AKAP9: variants seen among roughly 807,000 people sequenced by gnomAD.
AKAP9 encodes A-kinase anchor protein 9.
Under a neutral mutation model 488.5 loss-of-function variants are expected in AKAP9, and 311 were observed. The observed-to-expected ratio is 0.64, with a 90% confidence interval of 0.58 to 0.70. The LOEUF (loss-of-function observed/expected upper bound fraction) is 0.70, where lower values mean the gene tolerates loss of function less well. AKAP9 is among the 30% of genes least tolerant of loss of function. The pLI, the probability that AKAP9 is intolerant of heterozygous loss-of-function variation, is 0.00. For missense variants in AKAP9, 4,215 were observed against 4,374.5 expected (o/e 0.96, Z 1.03); for synonymous variants, 1,462 against 1,483.5 (o/e 0.99, Z 0.33).
At chr7:91,983,372 G>A (rs560971600) in intron 3 of AKAP9, among the ~76,000 whole-genome samples, 10 of 152,286 alleles carry the variant, frequency 6.6e-5, no homozygotes, top group African/African-American at 2.4e-4. Flanking sequence ...CCCTGCAAAG[G>A]ACATGAACTC....
intron 28 of AKAP9, 55 bp from the exon 29 acceptor site, chr7:92,076,800 C>T: frequency 9.1e-7 from 1 of 1,094,314 alleles, no homozygotes; most frequent in Non-Finnish European, 1.3e-6. Context: ...TTCATTTTAT[C>T]TTGATAAACG....
chr7:92,001,993 G>A lies in AKAP9; in HGVS notation c.2076G>A (p.Gln692=). Residue 692 remains glutamine, a synonymous_variant, in exon 8 of 50, where the codon CAG becomes CAA. Transcript: ENST00000356239. ...AAAAGGACAATTTGATAACTAAGCA[G>A]AATCAATTAATTTTGGAAATTTCAA... ...QFEKDNLITK[Q]NQLILEISKL... is the part of the protein sequence containing the mutation. 6.2e-7 allele frequency: 1 copy of A among 1,612,002 alleles called. No homozygotes were observed. Among genetic ancestry groups the A allele is most frequent in the South Asian group, 1.1e-5 (1 of 90,416 alleles).
chr7:92,047,713 C>G (rs940948031), intron 21 of AKAP9, among the ~76,000 whole-genome samples: 1 of 152,052 alleles, frequency 6.6e-6, no homozygotes, highest in Non-Finnish European at 1.5e-5. Context: ...CAACTAAAAC[C>G]TTTAAAATTT....
chr7:92,109,812 A>G (rs1012061988), intron 49 of AKAP9, among the ~76,000 whole-genome samples: 5 of 152,078 alleles, frequency 3.3e-5, no homozygotes, highest in Non-Finnish European at 5.9e-5. Flanking sequence ...TTTGCTGGAC[A>G]TGGTGGCATG....
chr7:92,066,992 C>T (rs1443250787), intron 26 of AKAP9, among the ~76,000 whole-genome samples: 2 of 152,188 alleles, frequency 1.3e-5, no homozygotes, highest in Non-Finnish European at 2.9e-5. Flanking sequence ...ATATCCAACT[C>T]TGTCTCCATC....
intron 8 of AKAP9, among the ~76,000 whole-genome samples, chr7:92,004,285 G>C (rs1366399168): frequency 6.6e-6 from 1 of 152,098 alleles, no homozygotes; most frequent in Non-Finnish European, 1.5e-5. Context: ...TTGGCAATGT[G>C]GGCTCTTTTT....
At chr7:92,070,302 A>G (rs1584416637) in intron 27 of AKAP9, 96 bp downstream of exon 27, 7 of 1,304,928 alleles carry the variant, frequency 5.4e-6, no homozygotes, top group African/African-American at 4.4e-5. Context: ...TATTATGTTT[A>G]TATCTCTGTT....
In AKAP9 at chr7:91,973,971, A is replaced by C; in HGVS notation, c.306+3A>C. ...ATGAGCAGGGCTTCTCTGTGGAAGT[A>C]AGTATTCTCCCAGATTTTTAATCAT... On this transcript the variant is annotated splice_donor_region_variant and intron_variant, in intron 2 of 49. Coordinates refer to ENST00000356239, the MANE Select transcript of AKAP9 (RefSeq NM_005751.5). 6.2e-7 allele frequency: 1 copy of C among 1,613,920 alleles called. No homozygotes were observed. The highest frequency in any genetic ancestry group is 2.2e-5 in the East Asian group (1 of 44,856).
intron 22 of AKAP9, among the ~76,000 whole-genome samples, chr7:92,058,577 A>G (rs1809219390): frequency 1.3e-5 from 2 of 152,054 alleles, no homozygotes; most frequent in South Asian, 4.1e-4. Context: ...CAACTTGGCT[A>G]TGTTTACAAT....
At chr7:92,032,312 C>T (rs958907063) in intron 16 of AKAP9, among the ~76,000 whole-genome samples, 3 of 152,044 alleles carry the variant, frequency 2.0e-5, no homozygotes, top group African/African-American at 4.8e-5. Flanking sequence ...GCTTGACCAA[C>T]GTGGAGAAAC....
In AKAP9 at chr7:92,105,731, A is replaced by T. The variant is rs759183266; in HGVS notation, c.11384A>T (p.Asn3795Ile). 1 of 1,614,032 alleles carries T rather than the reference A, an allele frequency of 6.2e-7. No homozygotes were observed. The highest frequency in any genetic ancestry group is 8.5e-7 in the Non-Finnish European group (1 of 1,180,006). ...CGAGTCACAGGTTCTGTTTCCATCA[A>T]TATTAACAGAGATGGCTTTGGACTG... ...WHRVTGSVSININRDGFGLNQ... is the reference protein window; with the variant it reads ...WHRVTGSVSIIINRDGFGLNQ... The change falls in exon 47 of 50, where the codon AAT (asparagine) becomes ATT (isoleucine). Residue 3795 changes from asparagine to isoleucine, a missense_variant. Physicochemically the swap from Asn to Ile is moderately radical, Grantham distance 149 (BLOSUM62 -3). Around this residue, in one of 5 missense-constraint regions of AKAP9, gnomAD observed 253 missense variants for 266.8 expected, o/e 0.95. Transcript: ENST00000356239.
chr7:92,095,575 G>C (rs1563136261), intron 40 of AKAP9, among the ~76,000 whole-genome samples: 1 of 152,116 alleles, frequency 6.6e-6, no homozygotes, highest in East Asian at 1.9e-4. Flanking sequence ...GTGAACATTG[G>C]CCCCTTTCAG....
At chr7:91,945,291 G>C (rs1791326425) in intron 1 of AKAP9, among the ~76,000 whole-genome samples, 1 of 152,198 alleles carries the variant, frequency 6.6e-6, no homozygotes, top group Non-Finnish European at 1.5e-5. Flanking sequence ...TGGATCATCT[G>C]AGGTCAGGAG....
rs1458728118 is a variant in AKAP9, at chr7:92,022,917, A to G, written c.4056A>G (p.Gln1352=). 1.9e-6 allele frequency: 3 copies of G among 1,613,816 alleles called. No homozygotes were observed. The highest frequency in any genetic ancestry group is 2.5e-6 in the Non-Finnish European group (3 of 1,179,832). The change falls in exon 14 of 50, where the codon CAA becomes CAG. Residue 1352 remains glutamine, a synonymous_variant. Transcript: ENST00000356239. The part of the protein sequence containing the change: ...ELESLISSLQ[Q]QLKETEQNYE... ...AAAGCCTCATATCCTCTTTGCAGCAACAGTTGAAAGAAACTGAACAAAACT... is the reference window on the plus strand; with the variant it reads ...AAAGCCTCATATCCTCTTTGCAGCAGCAGTTGAAAGAAACTGAACAAAACT...
chr7:92,038,511 A>C lies in AKAP9; in HGVS notation c.4431A>C (p.Ala1477=). ...GKENTASSKQ[A]HAVCQQEQHY... ...AAAATACTGCATCATCAAAGCAAGC[A>C]CATGCTGTGTGTCAGCAAGAACAAC... is the stretch of plus-strand genomic sequence containing the variant. Residue 1477 remains alanine, a synonymous_variant, in exon 17 of 50, where the codon GCA becomes GCC. Coordinates refer to ENST00000356239, the MANE Select transcript of AKAP9 (RefSeq NM_005751.5). 1 of 1,613,934 alleles carries C rather than the reference A, an allele frequency of 6.2e-7. No individual in the cohort carries two copies. Among genetic ancestry groups the C allele is most frequent in the Non-Finnish European group, 8.5e-7 (1 of 1,179,866 alleles).
In AKAP9 at chr7:92,083,434, C is replaced by T. The variant is rs1439277472; in HGVS notation, c.8425C>T (p.Gln2809Ter). Residue 2809 changes from glutamine (Q) to a stop codon, truncating the protein, a stop_gained, in exon 33 of 50, where the codon CAG (glutamine) becomes TAG (stop). Coordinates refer to ENST00000356239, the MANE Select transcript of AKAP9 (RefSeq NM_005751.5). LOFTEE classifies it high-confidence loss of function. Reference protein sequence around the residue: ...VKNAGIQINLQSECSSEEVTE... With the variant: ...VKNAGIQINL ...AAATGCAGGAATACAAATTAATTTA[C>T]AGAGTGAATGTTCCTCAGAAGAAGT... is the stretch of plus-strand genomic sequence containing the variant. The T allele has an allele frequency of 1.2e-6, 2 of 1,613,884 alleles. No homozygotes were observed. The highest frequency in any genetic ancestry group is 1.7e-5 in the Admixed American group (1 of 59,998).
In AKAP9 at chr7:92,012,489, C is replaced by G. The variant is rs1562978382; in HGVS notation, c.3379C>G (p.His1127Asp). 1.9e-6 allele frequency: 3 copies of G among 1,614,008 alleles called. No homozygotes were observed. The highest frequency in any genetic ancestry group is 1.7e-5 in the Admixed American group (1 of 60,010). The change falls in exon 9 of 50, where the codon CAT becomes GAT. Residue 1127 changes from histidine to aspartate, a missense_variant. Physicochemically the swap from His to Asp is moderately conservative, Grantham distance 81. Coordinates refer to ENST00000356239, the MANE Select transcript of AKAP9 (RefSeq NM_005751.5). ...RICLSLVYST[H>D]VDQVREYMEN... ...TTGCCTCTCTCTGGTTTATTCAACT[C>G]ATGTGGATCAGGTTCGTGAATATAT...
At chr7:92,077,607 A>G in intron 29 of AKAP9, 89 bp from the exon 30 acceptor site, 1 of 1,111,286 alleles carries the variant, frequency 9.0e-7, no homozygotes, top group Non-Finnish European at 1.4e-6. Context: ...ATTCATTTGT[A>G]CGTTATAGGC....
At position 92,083,163 on chromosome 7, in the gene AKAP9, G is replaced by A. The variant is rs202218770; in HGVS notation, c.8161-7G>A. The A allele has an allele frequency of 3.7e-4, 601 of 1,613,520 alleles. No homozygotes were observed. Among genetic ancestry groups the A allele is most frequent in the Non-Finnish European group, 4.6e-4 (547 of 1,179,808 alleles). ...AATGCCCTACTGTTCTATTCATTAC[G>A]TTTTAGGTAAAAGAAACAAATATGA... On this transcript the variant is annotated splice_region_variant and splice_polypyrimidine_tract_variant and intron_variant, in intron 32 of 49. Coordinates refer to ENST00000356239, the MANE Select transcript of AKAP9 (RefSeq NM_005751.5).
Sources: allele counts gnomAD v4.1 joint callset (sites outside exome capture counted in the v4.1 genomes callset), GRCh38; gene constraint gnomAD v4.1.1; regional missense constraint gnomAD v4.1.1; transcripts MANE v1.5; gene names NCBI Gene and HGNC (gene_info 2026-07-23, HGNC 2026-07-21).